Variants in FAM184B observed in about 807,000 individuals in gnomAD.
FAM184B encodes protein FAM184B.
A neutral mutation model predicts 135.9 loss-of-function variants in FAM184B; 111 were observed. The ratio of observed to expected loss-of-function variants is 0.82; its 90% CI spans 0.70 to 0.96. The LOEUF is 0.96. FAM184B is among the 40% of genes least tolerant of loss of function. FAM184B has a pLI of 0.00. For missense variants in FAM184B, 1,375 were observed against 1,323.9 expected (o/e 1.04, Z -0.60); for synonymous variants, 552 against 524.8 (o/e 1.05, Z -0.71).
intron 7 of FAM184B, among the ~76,000 whole-genome samples, chr4:17,677,459 A>T (rs1361725303): frequency 6.6e-6 from 1 of 152,224 alleles, no homozygotes; most frequent in Non-Finnish European, 1.5e-5. Flanking sequence ...GGAAATATAC[A>T]ACTCTTCTAG....
At chr4:17,766,754 A>G (rs973501498) in intron 1 of FAM184B, among the ~76,000 whole-genome samples, 21 of 152,254 alleles carry the variant, frequency 1.4e-4, no homozygotes, top group African/African-American at 5.1e-4. Context: ...CACCTAGAGG[A>G]TCCCGCACCG....
chr4:17,768,522 G>A (rs1041093608), intron 1 of FAM184B, among the ~76,000 whole-genome samples: 4 of 152,114 alleles, frequency 2.6e-5, no homozygotes, highest in Admixed American at 1.3e-4. Context: ...GGTTTTACCC[G>A]CCTCGGCCTC....
At chr4:17,706,986 C>A (rs1235199822) in intron 3 of FAM184B, among the ~76,000 whole-genome samples, 1 of 152,076 alleles carries the variant, frequency 6.6e-6, no homozygotes. Flanking sequence ...CAGGTTTATA[C>A]CATGTTTGCC....
At chr4:17,708,814 C>T (rs1171828754) in intron 2 of FAM184B, 78 bp downstream of exon 2, 6 of 1,416,852 alleles carry the variant, frequency 4.2e-6, no homozygotes, top group Admixed American at 2.9e-5. Flanking sequence ...TAGCACAGTG[C>T]CTGATCTATA....
chr4:17,657,733 T>C (rs1000346331), intron 10 of FAM184B, among the ~76,000 whole-genome samples: 3 of 146,490 alleles, frequency 2.0e-5, no homozygotes, highest in Non-Finnish European at 4.5e-5. Flanking sequence ...CTTGGCTCAC[T>C]GCAACCTCCA....
intron 1 of FAM184B, among the ~76,000 whole-genome samples, chr4:17,724,148 C>G (rs541076019): frequency 6.6e-6 from 1 of 152,144 alleles, no homozygotes; most frequent in South Asian, 2.1e-4. Flanking sequence ...CACACACACT[C>G]TTACATACAC....
In FAM184B at chr4:17,705,028, A is replaced by G. The variant is rs769696771; in HGVS notation, c.1349T>C (p.Val450Ala). The G allele has an allele frequency of 9.0e-6, 14 of 1,551,786 alleles. No homozygotes were observed. In the South Asian group the frequency reaches 1.7e-4, roughly 18 times the overall value. The change falls in exon 5 of 18, where the codon GTG becomes GCG. Residue 450 changes from valine (V) to alanine (A), a missense_variant. Transcript: ENST00000265018. ...TVEIKSVRSS[V>A]EAERKKLQRE... ...CTGCAGTTTCTTTCTTTCAGCCTCC[A>G]CGGACGAGCGAACGGATTTGATTTC...
At chr4:17,701,828 T>C (rs1011117704) in intron 5 of FAM184B, among the ~76,000 whole-genome samples, 4 of 152,238 alleles carry the variant, frequency 2.6e-5, no homozygotes, top group Admixed American at 2.0e-4. Flanking sequence ...TTCTGTGTGA[T>C]TTCTCAGACA....
chr4:17,742,158 ATATATATATAT>A (rs1484424493), intron 1 of FAM184B, among the ~76,000 whole-genome samples: 2,199 of 15,922 alleles, frequency 0.14, 73 homozygotes, highest in African/African-American at 0.22. Flanking sequence ...ATATATATAT[ATATATATATAT>A]TTTTTTTTTT....
intron 3 of FAM184B, among the ~76,000 whole-genome samples, chr4:17,707,038 T>G (rs893742522): frequency 6.6e-6 from 1 of 152,180 alleles, no homozygotes; most frequent in Non-Finnish European, 1.5e-5. Flanking sequence ...TCCACCTGCC[T>G]TGGCCTCCCA....
At chr4:17,644,949 C>G (rs567671405) in intron 12 of FAM184B, among the ~76,000 whole-genome samples, 1 of 152,224 alleles carries the variant, frequency 6.6e-6, no homozygotes, top group South Asian at 2.1e-4. Flanking sequence ...AACAGACAAA[C>G]AGAGAGCCAA....
At chr4:17,672,742 C>T (rs1029506952) in intron 7 of FAM184B, among the ~76,000 whole-genome samples, 11 of 151,982 alleles carry the variant, frequency 7.2e-5, no homozygotes, top group Non-Finnish European at 1.5e-4. Flanking sequence ...TTGATCATGG[C>T]GAATCATCTT....
chr4:17,686,739 C>A (rs1028229633), intron 7 of FAM184B, among the ~76,000 whole-genome samples: 2 of 152,252 alleles, frequency 1.3e-5, no homozygotes, highest in South Asian at 4.2e-4. Context: ...GTCAGGAGTT[C>A]GAGACTAGCC....
At chr4:17,776,549 C>T (rs1012486489) in intron 1 of FAM184B, among the ~76,000 whole-genome samples, 1 of 151,782 alleles carries the variant, frequency 6.6e-6, no homozygotes, top group Non-Finnish European at 1.5e-5. Flanking sequence ...CCACCATGCC[C>T]AGCTAATTCT....
intron 16 of FAM184B, chr4:17,634,118 G>C (rs1381554076): frequency 1.1e-5 from 4 of 355,056 alleles, no homozygotes; most frequent in Non-Finnish European, 2.0e-5. Context: ...TCTGGAGATG[G>C]ATGTGTTTTG....
chr4:17,657,588 T>C (rs1002284478), intron 10 of FAM184B, among the ~76,000 whole-genome samples: 1 of 151,704 alleles, frequency 6.6e-6, no homozygotes, highest in Admixed American at 6.6e-5. Flanking sequence ...CCCACCAGAT[T>C]ATCCATAGTT....
At chr4:17,690,070 C>G (rs1360856118) in intron 6 of FAM184B, among the ~76,000 whole-genome samples, 1 of 152,074 alleles carries the variant, frequency 6.6e-6, no homozygotes, top group Admixed American at 6.6e-5. Context: ...ATTGCTTGAA[C>G]CTGAGAGGCG....
At chr4:17,641,871 T>A (rs1035999403) in intron 13 of FAM184B, among the ~76,000 whole-genome samples, 185 bp downstream of exon 13, 1 of 151,996 alleles carries the variant, frequency 6.6e-6, no homozygotes, top group Non-Finnish European at 1.5e-5. Flanking sequence ...CTGGGACTTT[T>A]CATGGGTCAG....
intron 11 of FAM184B, among the ~76,000 whole-genome samples, chr4:17,652,457 G>A (rs754759475): frequency 3.9e-5 from 6 of 152,178 alleles, no homozygotes; most frequent in African/African-American, 7.2e-5. Context: ...TCCACACAGT[G>A]AGCCTATGAG....
Sources: gnomAD v4.1 joint callset for allele counts (sites outside exome capture counted in the v4.1 genomes callset) on GRCh38, gnomAD v4.1.1 for gene constraint, MANE v1.5 for transcripts, NCBI Gene and HGNC (gene_info 2026-07-23, HGNC 2026-07-21) for gene names.